The following KCNH7 variants were observed in gnomAD, a reference collection of about 807,000 sequenced individuals.
The protein encoded by KCNH7 is potassium voltage-gated channel subfamily H member 7.
Under a neutral mutation model 120.8 loss-of-function variants are expected in KCNH7, and 49 were observed. That is an observed-to-expected ratio of 0.41 (90% CI 0.32 to 0.51). KCNH7 has a LOEUF of 0.51. Among genes scored for constraint, KCNH7 ranks in the 20% least tolerant of loss-of-function variants. The pLI is 0.38. For synonymous variants in KCNH7, 547 were observed against 516.1 expected, an observed-to-expected ratio of 1.06 and a Z score of -0.81; for missense variants, 1,097 against 1,446.6, an observed-to-expected ratio of 0.76 and a Z score of 3.92.
intron 2 of KCNH7, among the ~76,000 whole-genome samples, chr2:162,726,474 C>A (rs982590719): frequency 2.6e-5 from 4 of 152,160 alleles, no homozygotes; most frequent in Admixed American, 1.3e-4. Context: ...GACTGAAGTG[C>A]AGTGGCGCCA....
chr2:162,784,672 G>A (rs1486946774), intron 2 of KCNH7: 1 of 152,082 alleles, frequency 6.6e-6, no homozygotes, highest in East Asian at 1.9e-4. Flanking sequence ...TTGGACAAAT[G>A]TCTCTCTGAG....
chr2:162,800,394 A>G (rs12692660), intron 2 of KCNH7, among the ~76,000 whole-genome samples: 87,274 of 151,064 alleles, frequency 0.58, 28,838 homozygotes, highest in Non-Finnish European at 0.75. Flanking sequence ...AGTCTTGTAC[A>G]ACGGCAGTAT....
chr2:162,796,145 G>A (rs757151678), intron 2 of KCNH7: 1 of 152,048 alleles, frequency 6.6e-6, no homozygotes, highest in Non-Finnish European at 1.5e-5. Flanking sequence ...CATGGAAACT[G>A]GAATCAGAGG....
intron 7 of KCNH7, among the ~76,000 whole-genome samples, chr2:162,440,080 G>GA (rs1688373686): frequency 6.6e-6 from 1 of 151,258 alleles, no homozygotes; most frequent in South Asian, 2.1e-4. Context: ...TCATTAATAA[G>GA]AAAAAATATT....
intron 6 of KCNH7, among the ~76,000 whole-genome samples, chr2:162,461,939 A>G (rs766123023): frequency 6.6e-6 from 1 of 152,136 alleles, no homozygotes; most frequent in African/African-American, 2.4e-5. Context: ...CAAGTGATGA[A>G]ATGGTATTTC....
chr2:162,597,555 C>T (rs1009762478), intron 2 of KCNH7, among the ~76,000 whole-genome samples: 1 of 151,942 alleles, frequency 6.6e-6, no homozygotes, highest in Non-Finnish European at 1.5e-5. Context: ...GTGTAAATGG[C>T]AGCGTTGGTG....
chr2:162,373,612 T>C lies in KCNH7; in HGVS notation c.3182A>G (p.Gln1061Arg). The C allele has an allele frequency of 6.4e-7, 1 of 1,567,140 alleles. No individual in the cohort carries two copies. The highest frequency in any genetic ancestry group is 1.7e-4 in the Middle Eastern group (1 of 5,916). Residue 1061 changes from glutamine to arginine, a missense_variant, in exon 15 of 16, where the codon CAG (glutamine) becomes CGG (arginine). Around this residue, in one of 8 missense-constraint regions of KCNH7, gnomAD observed 406 missense variants for 410.5 expected, o/e 0.99. Coordinates refer to ENST00000332142, the MANE Select transcript of KCNH7 (RefSeq NM_033272.4). ...TDIQTILQLL[Q>R]KQTTVVPPAY... ...TGGGGGGACCACAGTGGTTTGTTTC[T>C]GCAGCAACTGTAAGATGGTCTGGAT...
At chr2:162,395,763 G>A (rs1686894885) in intron 11 of KCNH7, among the ~76,000 whole-genome samples, 1 of 151,582 alleles carries the variant, frequency 6.6e-6, no homozygotes, top group South Asian at 2.1e-4. Flanking sequence ...GTATTAAATG[G>A]CATCTAGGGG....
chr2:162,594,584 T>C (rs2105939587), intron 2 of KCNH7, among the ~76,000 whole-genome samples: 1 of 152,118 alleles, frequency 6.6e-6, no homozygotes, highest in Middle Eastern at 3.4e-3. Flanking sequence ...CCTTCATATC[T>C]GTTGGTTCCA....
intron 2 of KCNH7, among the ~76,000 whole-genome samples, chr2:162,679,932 GT>G (rs1239556045): frequency 2.0e-5 from 3 of 151,660 alleles, no homozygotes; most frequent in African/African-American, 7.2e-5. Flanking sequence ...AGGCAATAAA[GT>G]TTTGTTTTAT....
intron 7 of KCNH7, among the ~76,000 whole-genome samples, chr2:162,444,799 C>T (rs183564219): frequency 6.6e-6 from 1 of 152,190 alleles, no homozygotes; most frequent in Non-Finnish European, 1.5e-5. Flanking sequence ...ATTTCACTCT[C>T]TTTTAGTTAA....
At chr2:162,679,460 T>C (rs532303717) in intron 2 of KCNH7, among the ~76,000 whole-genome samples, 1 of 151,708 alleles carries the variant, frequency 6.6e-6, no homozygotes, top group African/African-American at 2.4e-5. Flanking sequence ...ATTAAACCTT[T>C]AAAAACTCCT....
intron 2 of KCNH7, among the ~76,000 whole-genome samples, chr2:162,623,945 A>G (rs970716368): frequency 2.6e-5 from 4 of 152,202 alleles, no homozygotes; most frequent in African/African-American, 9.6e-5. Flanking sequence ...GGAAAGAATC[A>G]GAAATAATCA....
intron 2 of KCNH7, among the ~76,000 whole-genome samples, chr2:162,833,622 A>G (rs1685553142): frequency 6.6e-6 from 1 of 152,160 alleles, no homozygotes; most frequent in Admixed American, 6.5e-5. Context: ...AGGTTTTTAA[A>G]AATTGATATT....
intron 2 of KCNH7, among the ~76,000 whole-genome samples, chr2:162,779,750 C>T (rs1224050178): frequency 1.3e-5 from 2 of 152,150 alleles, no homozygotes; most frequent in African/African-American, 2.4e-5. Context: ...GAGCCAACCA[C>T]GCTCCCTCAT....
At chr2:162,786,693 C>A (rs1047188418) in intron 2 of KCNH7, among the ~76,000 whole-genome samples, 1 of 152,150 alleles carries the variant, frequency 6.6e-6, no homozygotes, top group African/African-American at 2.4e-5. Context: ...CTTAAATTTA[C>A]TGAACATGAC....
At chr2:162,562,225 C>A (rs1693098216) in intron 2 of KCNH7, among the ~76,000 whole-genome samples, 1 of 152,156 alleles carries the variant, frequency 6.6e-6, no homozygotes, top group Non-Finnish European at 1.5e-5. Context: ...AAAAAGTAAA[C>A]TTTCCCTTTG....
At chr2:162,827,966 G>T (rs1472879111) in intron 2 of KCNH7, among the ~76,000 whole-genome samples, 2 of 152,050 alleles carry the variant, frequency 1.3e-5, no homozygotes, top group African/African-American at 4.8e-5. Flanking sequence ...GGTGTCCATT[G>T]CATACAACCA....
At chr2:162,749,546 G>A (rs1688469881) in intron 2 of KCNH7, among the ~76,000 whole-genome samples, 1 of 152,170 alleles carries the variant, frequency 6.6e-6, no homozygotes, top group South Asian at 2.1e-4. Flanking sequence ...ACATTCAGCA[G>A]ACTAAGGGGT....
Sources: gnomAD v4.1 joint callset for allele counts (sites outside exome capture counted in the v4.1 genomes callset) on GRCh38, gnomAD v4.1.1 for gene constraint, gnomAD v4.1.1 regional missense constraint, MANE v1.5 for transcripts, NCBI Gene and HGNC (gene_info 2026-07-23, HGNC 2026-07-21) for gene names.